RORA: variants seen among roughly 807,000 people sequenced by gnomAD.
RORA encodes nuclear receptor ROR-alpha.
RORA carries 7 observed loss-of-function variants against 69.5 expected under a neutral mutation model. The observed-to-expected ratio is 0.10, with a 90% CI of 0.06 to 0.19. RORA has a LOEUF of 0.19. Ranked by LOEUF, RORA falls within the 10% of genes least tolerant of loss-of-function variation. The pLI is 1.00. For missense variants in RORA, 457 were observed against 663.0 expected (o/e 0.69, Z 3.41); for synonymous variants, 261 against 240.8 (o/e 1.08, Z -0.78).
At chr15:60,913,639 C>T (rs543032664) in intron 1 of RORA, among the ~76,000 whole-genome samples, 2 of 152,252 alleles carry the variant, frequency 1.3e-5, no homozygotes, top group South Asian at 2.1e-4. Flanking sequence ...AATGTTAAAA[C>T]AAAGACAATG....
At chr15:61,157,891 A>T (rs1815827340) in intron 1 of RORA, among the ~76,000 whole-genome samples, 1 of 152,144 alleles carries the variant, frequency 6.6e-6, no homozygotes, top group Non-Finnish European at 1.5e-5. Flanking sequence ...CAGATTAGTA[A>T]AATTCCATAA....
intron 1 of RORA, among the ~76,000 whole-genome samples, chr15:60,955,458 C>T (rs1408685046): frequency 6.6e-6 from 1 of 152,172 alleles, no homozygotes; most frequent in African/African-American, 2.4e-5. Context: ...CAATAAATAT[C>T]AGGCAGACCT....
chr15:61,201,370 A>G (rs1383618131), intron 1 of RORA, among the ~76,000 whole-genome samples: 1 of 152,228 alleles, frequency 6.6e-6, no homozygotes, highest in Non-Finnish European at 1.5e-5. Flanking sequence ...CAGGTCAAAC[A>G]AACCACTAAG....
At chr15:60,861,352 T>C (rs10519085) in intron 1 of RORA, among the ~76,000 whole-genome samples, 66,291 of 152,070 alleles carry the variant, frequency 0.44, 14,938 homozygotes, top group Non-Finnish European at 0.5. Context: ...CCACTTACAT[T>C]GATAAGGCAG....
In RORA at chr15:60,534,164, G is replaced by A. The variant is rs1400562696; in HGVS notation, c.197-2313C>T. On this transcript the variant is annotated intron_variant, in intron 2 of 10. Coordinates refer to ENST00000335670, the MANE Select transcript of RORA (RefSeq NM_134261.3). This position sits in a 1 kb window ranked among gnomAD's most constrained non-coding sequence, Gnocchi z 5.0. ...TTAGAAGTGAAGCAACGATGTTTAA[G>A]GCTGTGACCAAGATGCCTGCCTGGC... Among the ~76,000 whole-genome samples, 2 of 152,214 alleles carry A rather than the reference G, an allele frequency of 1.3e-5. No homozygotes were observed. Among genetic ancestry groups the A allele is most frequent in the Admixed American group, 1.3e-4 (2 of 15,290 alleles).
intron 2 of RORA, chr15:60,615,023 A>T: frequency 6.2e-7 from 1 of 1,612,048 alleles, no homozygotes. Context: ...CTACAGGTTG[A>T]AGAGCTGTCA....
intron 2 of RORA, among the ~76,000 whole-genome samples, chr15:60,599,415 G>C (rs1163145599): frequency 3.3e-5 from 5 of 152,206 alleles, no homozygotes; most frequent in Admixed American, 3.3e-4. Context: ...GCCAGCTGTG[G>C]TGGCAGGTGC....
At chr15:60,995,270 T>A (rs1296900188) in intron 1 of RORA, among the ~76,000 whole-genome samples, 2 of 152,170 alleles carry the variant, frequency 1.3e-5, no homozygotes, top group Admixed American at 1.3e-4. Context: ...TCAGCCAATT[T>A]GAGCTGGTTG....
chr15:61,080,929 T>A (rs1189218037), intron 1 of RORA, among the ~76,000 whole-genome samples: 3 of 152,196 alleles, frequency 2.0e-5, no homozygotes, highest in Non-Finnish European at 4.4e-5. Context: ...GATTGCAGCT[T>A]CTAGAATTAC....
intron 1 of RORA, among the ~76,000 whole-genome samples, chr15:60,974,071 C>T (rs946151830): frequency 5.9e-5 from 9 of 152,136 alleles, no homozygotes; most frequent in East Asian, 5.8e-4. Flanking sequence ...CCTTGAATCC[C>T]GGGGGTAAAT....
chr15:60,876,893 A>G (rs541288927), intron 1 of RORA, among the ~76,000 whole-genome samples: 27 of 152,280 alleles, frequency 1.8e-4, no homozygotes, highest in Non-Finnish European at 3.5e-4. Flanking sequence ...TGCGAGTGGG[A>G]GCTAAATGAT....
chr15:61,096,304 G>A (rs923915335), intron 1 of RORA, among the ~76,000 whole-genome samples: 1 of 152,090 alleles, frequency 6.6e-6, no homozygotes, highest in African/African-American at 2.4e-5. Flanking sequence ...AGTGTGCTCT[G>A]GTATAAGTTC....
At chr15:60,598,800 A>G (rs2068754346) in intron 2 of RORA, among the ~76,000 whole-genome samples, 1 of 152,200 alleles carries the variant, frequency 6.6e-6, no homozygotes, top group Non-Finnish European at 1.5e-5. Flanking sequence ...AGTATTGAGG[A>G]CACAAAGATG....
intron 1 of RORA, among the ~76,000 whole-genome samples, chr15:60,881,702 G>T (rs1346367430): frequency 6.6e-6 from 1 of 152,114 alleles, no homozygotes; most frequent in Non-Finnish European, 1.5e-5. Flanking sequence ...CTGAACAATG[G>T]TTGCATTAAA....
chr15:60,574,010 G>T (rs1257465993), intron 2 of RORA, among the ~76,000 whole-genome samples: 1 of 152,108 alleles, frequency 6.6e-6, no homozygotes, highest in Non-Finnish European at 1.5e-5. Flanking sequence ...CCATTCTACT[G>T]CAGTGTTCAG....
chr15:60,819,771 A>ACACACACGCG (rs1555455787), intron 1 of RORA, among the ~76,000 whole-genome samples: 72 of 151,168 alleles, frequency 4.8e-4, no homozygotes, highest in Non-Finnish European at 7.8e-4. Flanking sequence ...ACACACACAC[A>ACACACACGCG]CACACACACA....
chr15:60,535,249 A>G (rs185061219), intron 2 of RORA, among the ~76,000 whole-genome samples: 2 of 152,326 alleles, frequency 1.3e-5, no homozygotes, highest in East Asian at 3.9e-4. Context: ...CATCCCAGCA[A>G]AGAGGTTTAT....
chr15:61,121,770 T>C (rs75941956), intron 1 of RORA, among the ~76,000 whole-genome samples: 5,379 of 145,642 alleles, frequency 0.037, 154 homozygotes, highest in East Asian at 0.13. Flanking sequence ...CACACACCCA[T>C]CCAGTGATGG....
intron 1 of RORA, among the ~76,000 whole-genome samples, chr15:60,823,123 TCTCTC>T (rs2072915006): frequency 6.1e-5 from 8 of 131,818 alleles, no homozygotes; most frequent in African/African-American, 1.4e-4. Flanking sequence ...TCTCTCTCTC[TCTCTC>T]TCTTTCTTTT....
Sources: allele counts gnomAD v4.1 joint callset (sites outside exome capture counted in the v4.1 genomes callset), GRCh38; gene constraint gnomAD v4.1.1; non-coding constraint Gnocchi (gnomAD v3.1); transcripts MANE v1.5; gene names NCBI Gene and HGNC (gene_info 2026-07-23, HGNC 2026-07-21).